Variants in RANBP17 observed in about 807,000 individuals in gnomAD.
RANBP17 encodes the protein ran-binding protein 17.
In RANBP17, 158 loss-of-function variants were observed where a neutral mutation model predicts 141.2. That is an observed-to-expected ratio of 1.12 (90% confidence interval 0.98 to 1.28). The LOEUF is 1.28. Ranked by LOEUF, RANBP17 falls within the 50% of genes most tolerant of loss-of-function variation. RANBP17 has a pLI of 0.00. For missense variants in RANBP17, 1,438 were observed against 1,290.7 expected, an observed-to-expected ratio of 1.11 and a Z score of -1.75; for synonymous variants, 430 against 450.0, an observed-to-expected ratio of 0.96 and a Z score of 0.56.
intron 6 of RANBP17, 143 bp downstream of exon 6, chr5:170,909,908 A>C (rs1340719373): frequency 1.8e-6 from 1 of 544,742 alleles, no homozygotes; most frequent in East Asian, 3.1e-5. Flanking sequence ...AAATTTGCAT[A>C]AGTCTGTAAG....
At chr5:170,951,829 T>TA (rs1775236645) in intron 12 of RANBP17, among the ~76,000 whole-genome samples, 1 of 152,002 alleles carries the variant, frequency 6.6e-6, no homozygotes, top group Non-Finnish European at 1.5e-5. Context: ...TCTTTGTAGA[T>TA]ATTGAAATCA....
intron 25 of RANBP17, among the ~76,000 whole-genome samples, chr5:171,288,922 AAAAC>A (rs905234887): frequency 6.6e-6 from 1 of 152,216 alleles, no homozygotes; most frequent in Non-Finnish European, 1.5e-5. Flanking sequence ...TGTACACACA[AAAAC>A]AAGATCCTTG....
rs115373567 is a variant in RANBP17, at chr5:171,232,640, A to G, written c.2423-8288A>G. On this transcript the variant is annotated intron_variant, in intron 22 of 27. Transcript: ENST00000523189. Reference sequence around the variant, plus strand: ...AGAAAACCCCCCCATTCATCACCCAAAGTTAACCATTATTAACAGTTTAGT... The same window carrying G: ...AGAAAACCCCCCCATTCATCACCCAGAGTTAACCATTATTAACAGTTTAGT... 7.5e-3 allele frequency among the ~76,000 whole-genome samples: 1,142 copies of G among 152,192 alleles called. 12 individuals are homozygous for G. The highest frequency in any genetic ancestry group is 0.026 in the African/African-American group (1,079 of 41,520).
intron 14 of RANBP17, among the ~76,000 whole-genome samples, chr5:171,043,664 G>C (rs1202322042): frequency 1.3e-5 from 2 of 152,042 alleles, no homozygotes; most frequent in Admixed American, 1.3e-4. Context: ...TGTGATGTGG[G>C]GTCAGACACT....
intron 14 of RANBP17, among the ~76,000 whole-genome samples, chr5:171,027,783 T>TA (rs1306704677): frequency 2.0e-5 from 3 of 152,130 alleles, no homozygotes; most frequent in Non-Finnish European, 4.4e-5. Context: ...TAGTTTTTCC[T>TA]GGTTATTTTG....
At chr5:171,234,005 G>A (rs888769760) in intron 22 of RANBP17, among the ~76,000 whole-genome samples, 19 of 151,470 alleles carry the variant, frequency 1.3e-4, no homozygotes, top group African/African-American at 4.6e-4. Flanking sequence ...TATGGTAATC[G>A]CTGTACCTCT....
intron 25 of RANBP17, among the ~76,000 whole-genome samples, chr5:171,283,971 C>T (rs763166571): frequency 1.9e-4 from 29 of 152,198 alleles, no homozygotes; most frequent in Non-Finnish European, 2.9e-4. Flanking sequence ...CTGCATGAGA[C>T]GCCCTCGTGC....
chr5:171,242,856 A>G (rs1021234107), intron 24 of RANBP17, 36 bp downstream of exon 24: 1 of 1,599,154 alleles, frequency 6.3e-7, no homozygotes, highest in African/African-American at 1.3e-5. Context: ...CCATAGGAAA[A>G]ACTTGATTAT....
intron 12 of RANBP17, among the ~76,000 whole-genome samples, chr5:170,937,752 T>C (rs1312044571): frequency 2.0e-5 from 3 of 152,224 alleles, no homozygotes; most frequent in African/African-American, 4.8e-5. Context: ...TCTTTTGTCA[T>C]TTCAGATTTG....
chr5:170,881,010 C>T (rs962416228), intron 2 of RANBP17, among the ~76,000 whole-genome samples: 2 of 152,158 alleles, frequency 1.3e-5, no homozygotes, highest in African/African-American at 4.8e-5. Flanking sequence ...CAGCCATAGG[C>T]AGTGTGTAAA....
At chr5:171,057,893 C>T (rs945102338) in intron 14 of RANBP17, among the ~76,000 whole-genome samples, 2 of 152,014 alleles carry the variant, frequency 1.3e-5, no homozygotes, top group Non-Finnish European at 2.9e-5. Flanking sequence ...CTGGTCTCGG[C>T]CTTGACACAT....
chr5:170,993,419 T>G (rs1187022930), intron 14 of RANBP17, among the ~76,000 whole-genome samples: 1 of 152,024 alleles, frequency 6.6e-6, no homozygotes, highest in East Asian at 1.9e-4. Flanking sequence ...ATACATATTT[T>G]TAAAGAAAAG....
chr5:171,047,763 T>C (rs1477818054), intron 14 of RANBP17, among the ~76,000 whole-genome samples: 1 of 152,202 alleles, frequency 6.6e-6, no homozygotes, highest in Admixed American at 6.5e-5. Context: ...GAATACTTTA[T>C]ATATAGATTT....
chr5:170,975,902 C>G (rs965911840), intron 14 of RANBP17, among the ~76,000 whole-genome samples: 2 of 151,950 alleles, frequency 1.3e-5, no homozygotes, highest in Non-Finnish European at 2.9e-5. Flanking sequence ...AGTGCTTTCT[C>G]TTATGATCGA....
intron 14 of RANBP17, among the ~76,000 whole-genome samples, chr5:171,022,550 G>A (rs1031166426): frequency 3.9e-5 from 6 of 152,226 alleles, no homozygotes; most frequent in Non-Finnish European, 5.9e-5. Flanking sequence ...TCAGAGTCAA[G>A]CCTGAAAAGG....
At chr5:171,252,351 A>G (rs1384703221) in intron 24 of RANBP17, 1 of 1,537,800 alleles carries the variant, frequency 6.5e-7, no homozygotes, top group East Asian at 2.3e-5. Context: ...AGGGAACATT[A>G]ACTAATGAAA....
At chr5:170,899,175 T>G (rs1461372934) in intron 5 of RANBP17, among the ~76,000 whole-genome samples, 1 of 152,242 alleles carries the variant, frequency 6.6e-6, no homozygotes, top group Admixed American at 6.5e-5. Context: ...TTCCATTTGT[T>G]TGTATCCTCT....
At chr5:170,885,464 C>T (rs1275426464) in intron 3 of RANBP17, among the ~76,000 whole-genome samples, 5 of 152,148 alleles carry the variant, frequency 3.3e-5, no homozygotes, top group Non-Finnish European at 5.9e-5. Context: ...AGCAGGCTTG[C>T]AGTGATAATA....
intron 14 of RANBP17, among the ~76,000 whole-genome samples, chr5:171,037,982 A>G (rs1397773423): frequency 6.6e-6 from 1 of 152,010 alleles, no homozygotes; most frequent in African/African-American, 2.4e-5. Context: ...GTTTGATAGG[A>G]ATAGTGTTGA....
Sources: allele counts gnomAD v4.1 joint callset (sites outside exome capture counted in the v4.1 genomes callset), GRCh38; gene constraint gnomAD v4.1.1; transcripts MANE v1.5; gene names NCBI Gene and HGNC (gene_info 2026-07-23, HGNC 2026-07-21).